The following BMPR1A variants were observed in gnomAD, a reference collection of about 807,000 sequenced individuals.
The protein encoded by BMPR1A is bone morphogenetic protein receptor type 1A.
A neutral mutation model predicts 66.0 loss-of-function variants in BMPR1A; 7 were observed. The ratio of observed to expected loss-of-function variants is 0.11; its 90% CI spans 0.06 to 0.20. The LOEUF (loss-of-function observed/expected upper bound fraction) is 0.20. BMPR1A is among the 10% of genes least tolerant of loss of function. The pLI is 1.00. For synonymous variants in BMPR1A, 200 were observed against 229.7 expected (o/e 0.87, Z 1.17); for missense variants, 408 against 669.1 (o/e 0.61, Z 4.31).
intron 1 of BMPR1A, among the ~76,000 whole-genome samples, chr10:86,824,112 T>TGTGTGTGTGTGTGTGTG (rs1564695887): frequency 6.6e-6 from 1 of 151,728 alleles, no homozygotes; most frequent in Non-Finnish European, 1.5e-5. Context: ...TGTGTGTGTG[T>TGTGTGTGTGTGTGTGTG]TTCTTTCAGT....
At chr10:86,819,155 TTTA>T (rs10606191) in intron 1 of BMPR1A, among the ~76,000 whole-genome samples, 47,007 of 151,454 alleles carry the variant, frequency 0.31, 8,338 homozygotes, top group East Asian at 0.69. Context: ...TGGCTACTTA[TTTA>T]TTATTATTAT....
chr10:86,854,728 C>G (rs940355994), intron 2 of BMPR1A: 2 of 230,308 alleles, frequency 8.7e-6, no homozygotes, highest in African/African-American at 4.6e-5. Context: ...GTTTCTTCAT[C>G]CAAAACGTAT....
At chr10:86,816,227 A>T (rs1319715553) in intron 1 of BMPR1A, among the ~76,000 whole-genome samples, 2 of 152,252 alleles carry the variant, frequency 1.3e-5, no homozygotes, top group Admixed American at 1.3e-4. Flanking sequence ...ATAATACTAT[A>T]TTTGGAAAAA....
chr10:86,803,543 TA>T (rs1841842651), intron 1 of BMPR1A, among the ~76,000 whole-genome samples: 1 of 152,356 alleles, frequency 6.6e-6, no homozygotes, highest in Middle Eastern at 3.4e-3. Flanking sequence ...TTTTGTTGCA[TA>T]ACGTAAGGAT....
intron 7 of BMPR1A, among the ~76,000 whole-genome samples, chr10:86,900,926 T>C (rs1843299470): frequency 6.6e-6 from 1 of 152,240 alleles, no homozygotes; most frequent in Non-Finnish European, 1.5e-5. Context: ...CTGGGGTTCC[T>C]CCCCTTGGGG....
intron 1 of BMPR1A, among the ~76,000 whole-genome samples, chr10:86,786,650 T>TCG (rs1841522509): frequency 6.6e-6 from 1 of 152,250 alleles, no homozygotes; most frequent in Non-Finnish European, 1.5e-5. Context: ...TGATCTTATT[T>TCG]GACCCACTGG....
At chr10:86,789,006 T>C (rs1441315821) in intron 1 of BMPR1A, among the ~76,000 whole-genome samples, 4 of 152,114 alleles carry the variant, frequency 2.6e-5, no homozygotes, top group Non-Finnish European at 5.9e-5. Flanking sequence ...ACTTGCCTTG[T>C]AGTGGGAAAA....
At chr10:86,768,858 A>G (rs1414357686) in intron 1 of BMPR1A, among the ~76,000 whole-genome samples, 3 of 152,196 alleles carry the variant, frequency 2.0e-5, no homozygotes, top group Non-Finnish European at 2.9e-5. Context: ...CAAGGATAAT[A>G]ATGGTCCTCT....
At chr10:86,785,300 G>GT (rs1470050982) in intron 1 of BMPR1A, among the ~76,000 whole-genome samples, 1 of 151,988 alleles carries the variant, frequency 6.6e-6, no homozygotes, top group African/African-American at 2.4e-5. Context: ...TGGGTGTAGT[G>GT]TTTTTTTGTT....
At chr10:86,787,947 A>G (rs1202575355) in intron 1 of BMPR1A, among the ~76,000 whole-genome samples, 1 of 152,032 alleles carries the variant, frequency 6.6e-6, no homozygotes, top group Non-Finnish European at 1.5e-5. Context: ...TCACAGTTCA[A>G]CATGAGATTT....
At chr10:86,775,418 C>T (rs1026501835) in intron 1 of BMPR1A, among the ~76,000 whole-genome samples, 1 of 152,136 alleles carries the variant, frequency 6.6e-6, no homozygotes, top group African/African-American at 2.4e-5. Flanking sequence ...TATCTCAACA[C>T]GAAAGTCAAA....
intron 1 of BMPR1A, among the ~76,000 whole-genome samples, chr10:86,766,449 G>A (rs757868869): frequency 6.6e-6 from 1 of 151,878 alleles, no homozygotes; most frequent in Non-Finnish European, 1.5e-5. Context: ...TATCCTTTGA[G>A]ACTGTTTTTA....
chr10:86,874,709 CTTTTTTTTTTT>C (rs200991488), intron 2 of BMPR1A, among the ~76,000 whole-genome samples: 60 of 92,428 alleles, frequency 6.5e-4, no homozygotes, highest in Non-Finnish European at 7.6e-4. Flanking sequence ...ACCCGACCTT[CTTTTTTTTTTT>C]TTTTTTTTTT....
chr10:86,797,247 T>TTTTTTG (rs1372738374), intron 1 of BMPR1A, among the ~76,000 whole-genome samples: 2 of 124,966 alleles, frequency 1.6e-5, no homozygotes, highest in East Asian at 3.0e-4. Context: ...TTTTTTTTTT[T>TTTTTTG]TGAGACGGAG....
chr10:86,789,866 T>A (rs534801826), intron 1 of BMPR1A, among the ~76,000 whole-genome samples: 1 of 147,850 alleles, frequency 6.8e-6, no homozygotes, highest in Non-Finnish European at 1.5e-5. Flanking sequence ...ATTAGAAATA[T>A]AAATCAAAGG....
intron 1 of BMPR1A, among the ~76,000 whole-genome samples, chr10:86,837,924 A>C (rs1842375554): frequency 6.6e-6 from 1 of 152,206 alleles, no homozygotes; most frequent in East Asian, 1.9e-4. Context: ...AGTTTACATG[A>C]ATTTAGTCAT....
At chr10:86,872,242 A>G (rs996643292) in intron 2 of BMPR1A, among the ~76,000 whole-genome samples, 8 of 152,214 alleles carry the variant, frequency 5.3e-5, no homozygotes, top group African/African-American at 1.9e-4. Flanking sequence ...CCAGGTTGGC[A>G]AGTGTGTTGT....
intron 1 of BMPR1A, among the ~76,000 whole-genome samples, chr10:86,757,403 C>T (rs1353301581): frequency 2.0e-5 from 3 of 152,180 alleles, no homozygotes; most frequent in Non-Finnish European, 4.4e-5. Flanking sequence ...CCCCGAGCTC[C>T]CGGAGCTGCT....
chr10:86,928,918 G>A (rs972383107), downstream of BMPR1A: 3 of 151,962 alleles, frequency 2.0e-5, no homozygotes, highest in Non-Finnish European at 4.4e-5. Context: ...GCCTCCCAAA[G>A]TGCTGGGATT....
Sources: allele counts gnomAD v4.1 joint callset (sites outside exome capture counted in the v4.1 genomes callset), GRCh38; gene constraint gnomAD v4.1.1; transcripts MANE v1.5; gene names NCBI Gene and HGNC (gene_info 2026-07-23, HGNC 2026-07-21).